The following HTR3E variants were observed in gnomAD, a reference collection of about 807,000 sequenced individuals.
The protein encoded by HTR3E is 5-hydroxytryptamine (serotonin) receptor 3, family member E.
In HTR3E, 38 loss-of-function variants were observed where a neutral mutation model predicts 38.0. That is an observed-to-expected ratio of 1.00 (90% CI 0.77 to 1.31). The LOEUF (loss-of-function observed/expected upper bound fraction) is 1.31. Among genes scored for constraint, HTR3E ranks in the 50% most tolerant of loss-of-function variants. The pLI, the probability that HTR3E is intolerant of heterozygous loss-of-function variation, is 0.00. For missense variants in HTR3E, 547 were observed against 585.2 expected, an observed-to-expected ratio of 0.93 and a Z score of 0.67; for synonymous variants, 210 against 232.9, an observed-to-expected ratio of 0.90 and a Z score of 0.89.
intron 3 of HTR3E, 115 bp downstream of exon 3, chr3:184,101,644 GAAATTGAAA>G: frequency 3.4e-6 from 3 of 887,164 alleles, no homozygotes; most frequent in Non-Finnish European, 5.6e-6. Context: ...ACATGAAGGA[GAAATTGAAA>G]AATCGACCAT....
At chr3:184,104,578 T>G (rs13090616) in intron 4 of HTR3E, among the ~76,000 whole-genome samples, 45,921 of 142,686 alleles carry the variant, frequency 0.32, 8,096 homozygotes, top group South Asian at 0.47. Flanking sequence ...CCAGGCCTGG[T>G]GGTGCGCCTG....
In HTR3E at chr3:184,105,368, A is replaced by G. The variant is rs374910960; in HGVS notation, c.661A>G (p.Ser221Gly). 11 of 1,614,180 alleles carry G rather than the reference A, an allele frequency of 6.8e-6. No individual in the cohort carries two copies. Among genetic ancestry groups the G allele is most frequent in the Non-Finnish European group, 8.5e-6 (10 of 1,180,012 alleles). ...TGGAGAATGGGAGCTCCTGGGCCTC[A>G]GCAAGGCCACCGCAAAGTTGTCCAG... ...THGEWELLGL[S>G]KATAKLSRGG... is the part of the protein sequence containing the mutation. The change falls in exon 6 of 9, where the codon AGC becomes GGC. Residue 221 changes from serine to glycine, a missense_variant. Transcript: ENST00000415389.
rs1414878345 is a variant in HTR3E at position 184,099,732 on chromosome 3, AAAAAAAAAG to A, written c.68-749_68-741del. Among the ~76,000 whole-genome samples, 7 of 146,788 alleles carry A rather than the reference AAAAAAAAAG, an allele frequency of 4.8e-5. 1 individual carries two copies. The highest frequency in any genetic ancestry group is 1.8e-4 in the African/African-American group (7 of 38,368). On this transcript the variant is annotated intron_variant, in intron 1 of 8. Coordinates refer to ENST00000415389, the MANE Select transcript of HTR3E (RefSeq NM_001256613.2). ...CGAGACTCCGTCTCAAAAAAAAAAAAAAAAAAAAGAAAGAAATATGCACAATTATTATAT... is the reference window on the plus strand; with the variant it reads ...CGAGACTCCGTCTCAAAAAAAAAAAAAAAGAAATATGCACAATTATTATAT...
intron 1 of HTR3E, among the ~76,000 whole-genome samples, chr3:184,098,339 T>C (rs879907714): frequency 3.9e-5 from 6 of 152,178 alleles, no homozygotes; most frequent in Non-Finnish European, 7.3e-5. Flanking sequence ...GTTGTGAGGA[T>C]TCAGTAAGAG....
In HTR3E at chr3:184,102,127, CACAT is replaced by C. The variant is rs1712085864; in HGVS notation, c.279+600_279+603del. On this transcript the variant is annotated intron_variant, in intron 3 of 8. Transcript: ENST00000415389. ...TGACCATACATAATTTTTTGTCACA[CACAT>C]AGAGTATTCTCAAAAACTGACCACA... 2.6e-5 allele frequency among the ~76,000 whole-genome samples: 4 copies of C among 152,262 alleles called. No homozygotes were observed. In the South Asian group the frequency reaches 8.3e-4, roughly 32 times the overall value.
intron 3 of HTR3E, among the ~76,000 whole-genome samples, chr3:184,102,631 A>T (rs190086497): frequency 1.4e-3 from 196 of 141,420 alleles, no homozygotes; most frequent in African/African-American, 1.8e-3. Flanking sequence ...AAAGTATATA[A>T]AAAAAAAAAA....
intron 4 of HTR3E, among the ~76,000 whole-genome samples, 173 bp from the exon 5 acceptor site, chr3:184,104,614 G>A (rs1185480208): frequency 1.3e-5 from 2 of 151,150 alleles, no homozygotes; most frequent in Non-Finnish European, 2.9e-5. Context: ...GGGAGGCTGA[G>A]GCTGAGACAG....
chr3:184,098,016 A>G (rs1407553223), intron 1 of HTR3E, among the ~76,000 whole-genome samples: 1 of 152,162 alleles, frequency 6.6e-6, no homozygotes, highest in Non-Finnish European at 1.5e-5. Context: ...CTTTCTCTCT[A>G]CAGGTATGAA....
In HTR3E at chr3:184,100,467, A is replaced by G. The variant is rs1176418653; in HGVS notation, c.68-18A>G. On this transcript the variant is annotated intron_variant, in intron 1 of 8. Transcript: ENST00000415389. ...AGGGTTGCTCTCCTTCATCTCACAC[A>G]TTCGATGTCCACTACAGGAAGGGGC... 3.1e-6 allele frequency: 5 copies of G among 1,613,892 alleles called. No individual in the cohort carries two copies. The highest frequency in any genetic ancestry group is 4.2e-6 in the Non-Finnish European group (5 of 1,179,990).
At chr3:184,105,557 A>C (rs1712374503) in intron 6 of HTR3E, 130 bp downstream of exon 6, 1 of 1,133,954 alleles carries the variant, frequency 8.8e-7, no homozygotes, top group African/African-American at 1.6e-5. Flanking sequence ...TCCCAGCCTC[A>C]TTCTTCATCC....
At chr3:184,102,850 G>A (rs964161523) in intron 3 of HTR3E, among the ~76,000 whole-genome samples, 2 of 151,160 alleles carry the variant, frequency 1.3e-5, no homozygotes, top group Non-Finnish European at 3.0e-5. Context: ...GCTTGAGCCA[G>A]GGAGACAGAG....
intron 1 of HTR3E, among the ~76,000 whole-genome samples, chr3:184,097,917 G>A (rs1454571894): frequency 6.6e-6 from 1 of 152,082 alleles, no homozygotes; most frequent in African/African-American, 2.4e-5. Flanking sequence ...TTCTCCATTG[G>A]TACCCTACAT....
chr3:184,105,842 C>T lies in HTR3E; in HGVS notation c.798C>T (p.Ala266=), dbSNP rs1450099783. The change falls in exon 7 of 9, where the codon GCC becomes GCT. Residue 266 remains alanine (A), a synonymous_variant. Coordinates refer to ENST00000415389, the MANE Select transcript of HTR3E (RefSeq NM_001256613.2). ...GTGGCTTTCTGGTTGCCATCGATGC[C>T]CTCAGCTTCTACCTGCCAGTGAAAA... ...VPSGFLVAID[A]LSFYLPVKSG... is the part of the protein sequence containing the mutation. 1 of 1,614,124 alleles carries T rather than the reference C, an allele frequency of 6.2e-7. No individual in the cohort carries two copies. Among genetic ancestry groups the T allele is most frequent in the Admixed American group, 1.7e-5 (1 of 60,006 alleles).
At chr3:184,102,492 AG>A (rs1560094999) in intron 3 of HTR3E, among the ~76,000 whole-genome samples, 1 of 46,404 alleles carries the variant, frequency 2.2e-5, no homozygotes, top group South Asian at 8.7e-4. Context: ...GGGTGGGGGG[AG>A]GGGGGAGGGA....
Position 184,105,395 on chromosome 3 carries a change from G to A in HTR3E, c.688G>A (p.Gly230Arg). 2 of 1,613,842 alleles carry A rather than the reference G, an allele frequency of 1.2e-6. No individual in the cohort carries two copies. The highest frequency in any genetic ancestry group is 4.5e-5 in the East Asian group (2 of 44,882). Residue 230 changes from glycine (G) to arginine (R), a missense_variant, in exon 6 of 9, where the codon GGA (glycine) becomes AGA (arginine). By Grantham distance (125) the Gly-to-Arg change is moderately radical. Coordinates refer to ENST00000415389, the MANE Select transcript of HTR3E (RefSeq NM_001256613.2). The part of the protein sequence containing the change: ...LSKATAKLSR[G>R]GNLYDQIVFY... Reference sequence around the variant, plus strand: ...CAAGGCCACCGCAAAGTTGTCCAGGGGAGGCAACCTGTATGATCAGATCGT... The same window carrying A: ...CAAGGCCACCGCAAAGTTGTCCAGGAGAGGCAACCTGTATGATCAGATCGT...
chr3:184,101,537 C>T lies in HTR3E; in HGVS notation c.279+8C>T. 6.2e-7 allele frequency: 1 copy of T among 1,604,814 alleles called. No homozygotes were observed. The highest frequency in any genetic ancestry group is 8.5e-7 in the Non-Finnish European group (1 of 1,171,468). On this transcript the variant is annotated splice_region_variant and intron_variant, in intron 3 of 8. Coordinates refer to ENST00000415389, the MANE Select transcript of HTR3E (RefSeq NM_001256613.2). Reference sequence around the variant, plus strand: ...TTCCTGTGGCTGGAAATGGTATGGACAACACTTTATTCTCTCCCTACAGTT... The same window carrying T: ...TTCCTGTGGCTGGAAATGGTATGGATAACACTTTATTCTCTCCCTACAGTT...
At chr3:184,098,114 G>A (rs1348721498) in intron 1 of HTR3E, among the ~76,000 whole-genome samples, 1 of 152,210 alleles carries the variant, frequency 6.6e-6, no homozygotes, top group Non-Finnish European at 1.5e-5. Flanking sequence ...GGTTAGGTAA[G>A]GTGCCAGAAG....
chr3:184,106,199 C>T lies in HTR3E; in HGVS notation c.997C>T (p.Leu333=). Residue 333 remains leucine, a synonymous_variant, in exon 8 of 9, where the codon CTG becomes TTG. Coordinates refer to ENST00000415389, the MANE Select transcript of HTR3E (RefSeq NM_001256613.2). The surrounding 1 kb of genome is among the most constrained non-coding windows in gnomAD (Gnocchi z 4.1). ...LLETIFITHL[L]HVATTQPPPL... ...GGAGACCATCTTCATCACCCACCTGCTGCACGTGGCCACCACCCAGCCCCC... is the reference window on the plus strand; with the variant it reads ...GGAGACCATCTTCATCACCCACCTGTTGCACGTGGCCACCACCCAGCCCCC... The T allele has an allele frequency of 6.2e-7, 1 of 1,612,822 alleles. No homozygotes were observed. The highest frequency in any genetic ancestry group is 8.5e-7 in the Non-Finnish European group (1 of 1,180,002).
At position 184,098,800 on chromosome 3, in the gene HTR3E, T is replaced by C. The variant is rs181675735; in HGVS notation, c.67+1204T>C. 3.8e-4 allele frequency among the ~76,000 whole-genome samples: 58 copies of C among 152,168 alleles called. 1 individual carries two copies. The East Asian group carries it at 7.7e-3, about 20-fold the overall frequency. On this transcript the variant is annotated intron_variant, in intron 1 of 8. Coordinates refer to ENST00000415389, the MANE Select transcript of HTR3E (RefSeq NM_001256613.2). ...TGGCTCACACCTGTAATCCCAGCAC[T>C]TGGGACGCTGAGGCAGGCGGATCAC...
Sources: allele counts gnomAD v4.1 joint callset (sites outside exome capture counted in the v4.1 genomes callset), GRCh38; gene constraint gnomAD v4.1.1; non-coding constraint Gnocchi (gnomAD v3.1); transcripts MANE v1.5; gene names NCBI Gene and HGNC (gene_info 2026-07-23, HGNC 2026-07-21).